Variants in TRPM3 observed in about 807,000 individuals in gnomAD.
TRPM3 encodes long transient receptor potential channel 3.
Under a neutral mutation model 181.2 loss-of-function variants are expected in TRPM3, and 77 were observed. The observed-to-expected ratio is 0.42, with a 90% CI of 0.35 to 0.51. The LOEUF is 0.51. TRPM3 is among the 20% of genes least tolerant of loss of function. The pLI is 0.01. For synonymous variants in TRPM3, 745 were observed against 796.4 expected, an observed-to-expected ratio of 0.94 and a Z score of 1.09; for missense variants, 1,759 against 2,196.7, an observed-to-expected ratio of 0.80 and a Z score of 3.98.
At chr9:71,311,177 G>C (rs541127575) in intron 1 of TRPM3, among the ~76,000 whole-genome samples, 12 of 151,990 alleles carry the variant, frequency 7.9e-5, no homozygotes, top group Non-Finnish European at 1.6e-4. Context: ...AGAAATCAAT[G>C]GTTTAAAAAA....
intron 9 of TRPM3, among the ~76,000 whole-genome samples, chr9:70,655,138 T>G (rs1164469869): frequency 6.7e-6 from 1 of 149,920 alleles, no homozygotes; most frequent in Non-Finnish European, 1.5e-5. Context: ...AAACCCCGTC[T>G]CTGCTAAAAA....
intron 22 of TRPM3, among the ~76,000 whole-genome samples, chr9:70,572,114 T>TTGTGTG (rs58492210): frequency 0.24 from 36,459 of 149,820 alleles, 4,746 homozygotes; most frequent in Middle Eastern, 0.3. Context: ...TCCCAGTTAC[T>TTGTGTG]TGTGTGTGTG....
chr9:70,979,560 C>T (rs1321369126), intron 1 of TRPM3, among the ~76,000 whole-genome samples: 9 of 152,092 alleles, frequency 5.9e-5, no homozygotes, highest in Non-Finnish European at 8.8e-5. Context: ...AAATACTGTG[C>T]TCCTTGGTGT....
At chr9:70,588,438 A>T (rs2057520971) in intron 22 of TRPM3, among the ~76,000 whole-genome samples, 1 of 151,970 alleles carries the variant, frequency 6.6e-6, no homozygotes, top group Non-Finnish European at 1.5e-5. Flanking sequence ...TTTCCCAAAC[A>T]TGAAATGGGC....
chr9:71,380,101 T>C (rs1443662510), intron 1 of TRPM3, among the ~76,000 whole-genome samples: 1 of 152,072 alleles, frequency 6.6e-6, no homozygotes, highest in East Asian at 1.9e-4. Flanking sequence ...TGACTAAAAT[T>C]GTTAGTATAC....
chr9:71,171,888 G>T (rs1018729295), intron 1 of TRPM3, among the ~76,000 whole-genome samples: 1 of 134,738 alleles, frequency 7.4e-6, no homozygotes, highest in Middle Eastern at 3.4e-3. Flanking sequence ...GAGGGGGAGG[G>T]TGTTAGGGTT....
intron 1 of TRPM3, among the ~76,000 whole-genome samples, chr9:71,049,865 T>G (rs922256493): frequency 6.6e-6 from 1 of 152,170 alleles, no homozygotes; most frequent in Non-Finnish European, 1.5e-5. Context: ...GGAGGCTCAG[T>G]TCCCTCACCT....
At chr9:70,590,660 C>T (rs549733403) in intron 22 of TRPM3, among the ~76,000 whole-genome samples, 1 of 152,242 alleles carries the variant, frequency 6.6e-6, no homozygotes, top group South Asian at 2.1e-4. Context: ...TTTCTAAAGG[C>T]TGGGGTAGAG....
At chr9:70,881,391 A>T (rs2095990179) in intron 1 of TRPM3, among the ~76,000 whole-genome samples, 1 of 152,122 alleles carries the variant, frequency 6.6e-6, no homozygotes, top group Non-Finnish European at 1.5e-5. Context: ...CCACCCCCAT[A>T]CAAAAACCCA....
At chr9:71,082,350 C>T (rs1408469141) in intron 1 of TRPM3, among the ~76,000 whole-genome samples, 1 of 152,086 alleles carries the variant, frequency 6.6e-6, no homozygotes, top group Non-Finnish European at 1.5e-5. Flanking sequence ...GCCAATTTTC[C>T]TCACACTCAT....
At chr9:70,547,269 C>G (rs1338700468) in intron 25 of TRPM3, among the ~76,000 whole-genome samples, 1 of 151,918 alleles carries the variant, frequency 6.6e-6, no homozygotes, top group Non-Finnish European at 1.5e-5. Flanking sequence ...CCATATATAC[C>G]TTTCCAAATG....
At chr9:71,349,975 A>G (rs887098170) in intron 1 of TRPM3, among the ~76,000 whole-genome samples, 20 of 30,662 alleles carry the variant, frequency 6.5e-4, no homozygotes, top group African/African-American at 1.6e-3. Flanking sequence ...GTGCATATAT[A>G]TATATATATA....
At chr9:71,107,260 A>G (rs2069863730) in intron 1 of TRPM3, among the ~76,000 whole-genome samples, 1 of 152,110 alleles carries the variant, frequency 6.6e-6, no homozygotes. Context: ...ACTGTGAGCA[A>G]TAATCTCTAG....
intron 9 of TRPM3, among the ~76,000 whole-genome samples, chr9:70,670,326 A>T (rs1246146637): frequency 1.3e-5 from 2 of 152,236 alleles, no homozygotes; most frequent in Non-Finnish European, 2.9e-5. Context: ...AAACTTGTAT[A>T]AACATGCTCT....
intron 1 of TRPM3, among the ~76,000 whole-genome samples, chr9:71,049,564 G>C (rs1315971166): frequency 6.6e-6 from 1 of 152,094 alleles, no homozygotes; most frequent in Non-Finnish European, 1.5e-5. Flanking sequence ...GAAAAGGGTG[G>C]CCTAAGGAGC....
intron 1 of TRPM3, among the ~76,000 whole-genome samples, chr9:70,921,887 A>G (rs1297199764): frequency 1.3e-5 from 2 of 150,766 alleles, no homozygotes; most frequent in African/African-American, 4.9e-5. Flanking sequence ...TAATTTCCCA[A>G]CGGAGCTTTA....
Position 70,535,423 on chromosome 9 carries a change from G to T in TRPM3, c.*530C>A. 1 of 1,550,502 alleles carries T rather than the reference G, an allele frequency of 6.4e-7. No homozygotes were observed. The highest frequency in any genetic ancestry group is 8.7e-7 in the Non-Finnish European group (1 of 1,146,974). On this transcript the variant is annotated 3_prime_UTR_variant, in exon 26 of 26. Coordinates refer to ENST00000677713, the MANE Select transcript of TRPM3 (RefSeq NM_001366145.2). ...GGGACGTTAGGTAGAACTGCTTGCT[G>T]CCGGCTTATACTGAATAAAGAGGAT...
intron 9 of TRPM3, among the ~76,000 whole-genome samples, chr9:70,670,375 G>A (rs2062684026): frequency 6.6e-6 from 1 of 152,070 alleles, no homozygotes; most frequent in Admixed American, 6.5e-5. Context: ...AGGAATTAAG[G>A]GACTTAAGTT....
chr9:70,843,254 C>T, intron 4 of TRPM3, 127 bp from the exon 5 acceptor site: 1 of 950,936 alleles, frequency 1.1e-6, no homozygotes, highest in Non-Finnish European at 1.5e-6. Flanking sequence ...TGACACATTT[C>T]TATACAAACT....
Sources: allele counts gnomAD v4.1 joint callset (sites outside exome capture counted in the v4.1 genomes callset), GRCh38; gene constraint gnomAD v4.1.1; transcripts MANE v1.5; gene names NCBI Gene and HGNC (gene_info 2026-07-23, HGNC 2026-07-21).